ANO3: variants seen among roughly 807,000 people sequenced by gnomAD.
ANO3 encodes anoctamin 3, also known as anoctamin-3.
ANO3 carries 99 observed loss-of-function variants against 144.8 expected under a neutral mutation model. That is an observed-to-expected ratio of 0.68 (90% confidence interval 0.58 to 0.81). The LOEUF is 0.81. ANO3 is among the 30% of genes least tolerant of loss of function. The pLI, the probability that ANO3 is intolerant of heterozygous loss-of-function variation, is 0.00. For synonymous variants in ANO3, 414 were observed against 392.6 expected (o/e 1.05, Z -0.64); for missense variants, 905 against 1,202.2 (o/e 0.75, Z 3.66).
At chr11:26,555,658 A>T (rs1850063145) in intron 13 of ANO3, among the ~76,000 whole-genome samples, 1 of 152,172 alleles carries the variant, frequency 6.6e-6, no homozygotes, top group Non-Finnish European at 1.5e-5. Flanking sequence ...CTAGGATGAA[A>T]TGTCTTTTAT....
chr11:26,257,204 A>G (rs926719175), intron 1 of ANO3, among the ~76,000 whole-genome samples: 1 of 152,132 alleles, frequency 6.6e-6, no homozygotes, highest in African/African-American at 2.4e-5. Flanking sequence ...ATAAATATAC[A>G]TACAGAAGCA....
At chr11:26,324,930 G>A (rs913221706) in intron 1 of ANO3, among the ~76,000 whole-genome samples, 6 of 152,114 alleles carry the variant, frequency 3.9e-5, no homozygotes, top group Non-Finnish European at 8.8e-5. Context: ...TTGATTGGTT[G>A]CTCCTGATTG....
chr11:26,508,099 T>G lies in ANO3; in HGVS notation c.433-5T>G, dbSNP rs1211943513. ...CACCATTAACAATCATTGCTTTATT[T>G]GCAGAATGACATGAATTACATAGCA... On this transcript the variant is annotated splice_polypyrimidine_tract_variant and splice_region_variant and intron_variant, in intron 4 of 26. Coordinates refer to ENST00000256737, the MANE Select transcript of ANO3 (RefSeq NM_031418.4). The G allele has an allele frequency of 6.4e-7, 1 of 1,570,972 alleles. No individual in the cohort carries two copies. Among genetic ancestry groups the G allele is most frequent in the Non-Finnish European group, 8.6e-7 (1 of 1,166,174 alleles).
intron 1 of ANO3, among the ~76,000 whole-genome samples, chr11:26,415,903 T>G (rs890732910): frequency 1.3e-5 from 2 of 152,226 alleles, no homozygotes; most frequent in Non-Finnish European, 2.9e-5. Context: ...AGACAGCTTT[T>G]AAAAGAAAAT....
At chr11:26,367,963 T>A (rs1856139959) in intron 1 of ANO3, among the ~76,000 whole-genome samples, 1 of 152,094 alleles carries the variant, frequency 6.6e-6, no homozygotes, top group Non-Finnish European at 1.5e-5. Context: ...TCATGAGAAA[T>A]CCACCCCCAT....
intron 4 of ANO3, among the ~76,000 whole-genome samples, chr11:26,499,244 T>G (rs1415358830): frequency 2.0e-5 from 3 of 151,854 alleles, no homozygotes; most frequent in Non-Finnish European, 4.4e-5. Flanking sequence ...GTAACTTACC[T>G]TTTCACAATC....
intron 1 of ANO3, among the ~76,000 whole-genome samples, chr11:26,220,748 A>C (rs67691143): frequency 0.3 from 45,971 of 152,066 alleles, 7,686 homozygotes; most frequent in Non-Finnish European, 0.37. Context: ...ACCTTCTGAC[A>C]GGTCCCTAGT....
chr11:26,199,110 C>CT (rs34396992), intron 1 of ANO3, among the ~76,000 whole-genome samples: 92 of 147,580 alleles, frequency 6.2e-4, no homozygotes, highest in East Asian at 7.9e-4. Context: ...TAGGTTTCCA[C>CT]TTTTTTTTTT....
chr11:26,611,688 A>C (rs1405235490), intron 17 of ANO3, among the ~76,000 whole-genome samples: 2 of 152,022 alleles, frequency 1.3e-5, no homozygotes, highest in East Asian at 3.9e-4. Context: ...TTATCTATCC[A>C]CTGTTGAGGG....
intron 20 of ANO3, among the ~76,000 whole-genome samples, chr11:26,638,767 A>G (rs1417133608): frequency 6.6e-6 from 1 of 152,204 alleles, no homozygotes; most frequent in Non-Finnish European, 1.5e-5. Context: ...AAAGGTTATT[A>G]AAAACAATAT....
intron 6 of ANO3, among the ~76,000 whole-genome samples, chr11:26,525,336 A>G (rs1015656746): frequency 1.3e-5 from 2 of 152,082 alleles, no homozygotes; most frequent in African/African-American, 4.8e-5. Context: ...TTCAATTAGT[A>G]TAAATTGAGT....
At chr11:26,647,912 G>A in intron 24 of ANO3, 56 bp downstream of exon 24, 1 of 1,512,134 alleles carries the variant, frequency 6.6e-7, no homozygotes, top group Non-Finnish European at 9.0e-7. Flanking sequence ...AATTAAAATA[G>A]GATCTTACTG....
At chr11:26,314,545 C>G (rs1350219749) in intron 1 of ANO3, among the ~76,000 whole-genome samples, 1 of 151,952 alleles carries the variant, frequency 6.6e-6, no homozygotes, top group Non-Finnish European at 1.5e-5. Context: ...GAGGCAGTGC[C>G]CTATGATTAT....
intron 12 of ANO3, among the ~76,000 whole-genome samples, chr11:26,551,694 A>T (rs1357697961): frequency 6.6e-6 from 1 of 152,032 alleles, no homozygotes; most frequent in East Asian, 1.9e-4. Flanking sequence ...TTTGTGAAAC[A>T]ATGAATTATG....
intron 1 of ANO3, among the ~76,000 whole-genome samples, chr11:26,437,005 G>A (rs892332149): frequency 6.6e-6 from 1 of 152,072 alleles, no homozygotes; most frequent in African/African-American, 2.4e-5. Flanking sequence ...AGCTAAGTCT[G>A]CCAAACAGCA....
intron 1 of ANO3, among the ~76,000 whole-genome samples, chr11:26,260,117 C>G (rs1461396): frequency 0.042 from 6,397 of 150,836 alleles, 181 homozygotes; most frequent in Non-Finnish European, 0.06. Flanking sequence ...CTGAAACAGG[C>G]CAAGATACCC....
intron 23 of ANO3, among the ~76,000 whole-genome samples, chr11:26,645,737 A>G (rs988510878): frequency 3.9e-5 from 6 of 152,116 alleles, no homozygotes; most frequent in African/African-American, 1.4e-4. Context: ...ATCAGGAAAA[A>G]TAGCTAATGC....
chr11:26,443,610 G>GA (rs1858604410), intron 2 of ANO3, among the ~76,000 whole-genome samples, 155 bp from the exon 3 acceptor site: 1 of 152,000 alleles, frequency 6.6e-6, no homozygotes, highest in East Asian at 1.9e-4. Flanking sequence ...TTAAAAAACG[G>GA]AAAAAACAGT....
intron 10 of ANO3, 35 bp from the exon 11 acceptor site, chr11:26,541,912 A>T: frequency 5.1e-6 from 8 of 1,580,990 alleles, no homozygotes; most frequent in Non-Finnish European, 6.9e-6. Flanking sequence ...TCACTAAAAA[A>T]TAGAACCAAA....
Sources: gnomAD v4.1 joint callset for allele counts (sites outside exome capture counted in the v4.1 genomes callset) on GRCh38, gnomAD v4.1.1 for gene constraint, MANE v1.5 for transcripts, NCBI Gene and HGNC (gene_info 2026-07-23, HGNC 2026-07-21) for gene names.